The following PCNX4 variants were observed in gnomAD, a reference collection of about 807,000 sequenced individuals.
PCNX4 encodes the protein pecanex 4, also known as pecanex-like protein 4.
In PCNX4, 103 loss-of-function variants were observed where a neutral mutation model predicts 107.2. That is an observed-to-expected ratio of 0.96 (90% CI 0.82 to 1.13). The LOEUF (loss-of-function observed/expected upper bound fraction) is 1.13, where lower values mean the gene tolerates loss of function less well. Among genes scored for constraint, PCNX4 ranks in the 50% most tolerant of loss-of-function variants. The probability of loss-of-function intolerance (pLI) is 0.00; values close to 1 mark genes in which losing one functional copy is unlikely to be tolerated. For missense variants in PCNX4, 1,528 were observed against 1,379.4 expected, an observed-to-expected ratio of 1.11 and a Z score of -1.71; for synonymous variants, 541 against 481.7, an observed-to-expected ratio of 1.12 and a Z score of -1.61.
At chr14:60,102,638 T>G (rs1376251921) in intron 1 of PCNX4, among the ~76,000 whole-genome samples, 1 of 152,168 alleles carries the variant, frequency 6.6e-6, no homozygotes, top group African/African-American at 2.4e-5. Flanking sequence ...CTTAAATTAG[T>G]GTTGTGATGT....
At chr14:60,094,750 G>T (rs973597741) in intron 1 of PCNX4, among the ~76,000 whole-genome samples, 1 of 104,260 alleles carries the variant, frequency 9.6e-6, no homozygotes, top group African/African-American at 3.0e-5. Context: ...ATATACTTGT[G>T]TTGCTGTAGA....
chr14:60,115,233 G>C lies in PCNX4; in HGVS notation c.1129G>C (p.Ala377Pro), dbSNP rs1490122457. 4 of 1,613,098 alleles carry C rather than the reference G, an allele frequency of 2.5e-6. No homozygotes were observed. The highest frequency in any genetic ancestry group is 3.4e-6 in the Non-Finnish European group (4 of 1,179,338). ...AGAAACTAGCTTGCTTCATCACTTT[G>C]CTGGCTTCTCACAGATTTCTAAAAG... ...LLETSLLHHF[A>P]GFSQISKSNS... is the part of the protein sequence containing the mutation. Residue 377 changes from alanine to proline, a missense_variant, in exon 4 of 11, where the codon GCT becomes CCT. By Grantham distance (27) the Ala-to-Pro change is conservative (BLOSUM62 -1). Coordinates refer to ENST00000406854, the MANE Select transcript of PCNX4 (RefSeq NM_001330177.2).
In PCNX4 at chr14:60,141,292, C is replaced by T. The variant is rs1896303291; in HGVS notation, c.*7071C>T. 6.6e-6 allele frequency: 1 copy of T among 152,030 alleles called. No individual in the cohort carries two copies. Among genetic ancestry groups the T allele is most frequent in the African/African-American group, 2.4e-5 (1 of 41,386 alleles). The allele number at this position is 152,030 out of a possible 1,614,324, so 9.4% of individuals were successfully genotyped here. Reference sequence around the variant, plus strand: ...AAAGCAGGCAAAAGAAAGGAAATAACCAAAAGCAGAAATCAATGAAACTGC... The same window carrying T: ...AAAGCAGGCAAAAGAAAGGAAATAATCAAAAGCAGAAATCAATGAAACTGC... On this transcript the variant is annotated 3_prime_UTR_variant, in exon 11 of 11. Transcript: ENST00000406854.
At position 60,147,928 on chromosome 14, in the gene PCNX4, G is replaced by A. The variant is rs1364993188; in HGVS notation, c.*13707G>A. ...AGCTGTCCTCCATATTTAAAACTCA[G>A]GTATACTCTTTGATGAAACTCTACC... is the stretch of plus-strand genomic sequence containing the variant. On this transcript the variant is annotated 3_prime_UTR_variant, in exon 11 of 11. Coordinates refer to ENST00000406854, the MANE Select transcript of PCNX4 (RefSeq NM_001330177.2). 1 of 152,154 alleles carries A rather than the reference G, an allele frequency of 6.6e-6. No individual in the cohort carries two copies. The highest frequency in any genetic ancestry group is 2.4e-5 in the African/African-American group (1 of 41,426). The allele number at this position is 152,154 out of a possible 1,614,324, so 9.4% of individuals were successfully genotyped here. A position where few individuals can be genotyped will look rare whatever the true frequency, so the allele number is the denominator to read the frequency against.
At position 60,118,500 on chromosome 14, in the gene PCNX4, A is replaced by G. The variant is rs781056587; in HGVS notation, c.1750A>G (p.Thr584Ala). 2 of 1,613,656 alleles carry G rather than the reference A, an allele frequency of 1.2e-6. No homozygotes were observed. Among genetic ancestry groups the G allele is most frequent in the Non-Finnish European group, 1.7e-6 (2 of 1,179,806 alleles). Residue 584 changes from threonine (T) to alanine (A), a missense_variant, in exon 7 of 11, where the codon ACA becomes GCA. Transcript: ENST00000406854. ...PFVLVIIVFSTLLSSPLLPLF... is the reference protein window; with the variant it reads ...PFVLVIIVFSALLSSPLLPLF... The stretch of plus-strand genomic sequence containing the variant: ...CGTGTTGGTCATCATAGTTTTTTCT[A>G]CACTACTCTCTTCTCCCTTACTCCC...
At chr14:60,128,580 C>T (rs1330883308) in intron 10 of PCNX4, among the ~76,000 whole-genome samples, 1 of 152,160 alleles carries the variant, frequency 6.6e-6, no homozygotes, top group Non-Finnish European at 1.5e-5. Flanking sequence ...ACCCACCTTA[C>T]AAGAAATACT....
rs1162690557 is a variant in PCNX4 at position 60,121,314 on chromosome 14, A to G, written c.2046+15A>G. On this transcript the variant is annotated intron_variant, in intron 8 of 10. Coordinates refer to ENST00000406854, the MANE Select transcript of PCNX4 (RefSeq NM_001330177.2). ...TTAACATTAAGGTCAGTGTGCATAT[A>G]AAACATCTGTAGTATTTTTATAGTT... is the stretch of plus-strand genomic sequence containing the variant. The G allele has an allele frequency of 6.2e-7, 1 of 1,603,238 alleles. No homozygotes were observed. Among genetic ancestry groups the G allele is most frequent in the East Asian group, 2.2e-5 (1 of 44,676 alleles).
intron 1 of PCNX4, among the ~76,000 whole-genome samples, chr14:60,095,943 A>T (rs1566928302): frequency 6.6e-6 from 1 of 152,216 alleles, no homozygotes; most frequent in South Asian, 2.1e-4. Context: ...AATTAGAGCA[A>T]TTCTCTAGGG....
chr14:60,114,614 T>G lies in PCNX4; in HGVS notation c.690-86T>G. The G allele has an allele frequency of 2.6e-6, 3 of 1,153,722 alleles. 1 individual carries two copies. The highest frequency in any genetic ancestry group is 3.7e-6 in the Non-Finnish European group (3 of 821,068). The allele number at this position is 1,153,722 out of a possible 1,614,324, so 71.5% of individuals were successfully genotyped here. A position where few individuals can be genotyped will look rare whatever the true frequency, so the allele number is the denominator to read the frequency against. On this transcript the variant is annotated intron_variant, in intron 2 of 10. Transcript: ENST00000406854. ...TGGTTTTTTTTTGGAAGGGAGTGTG[T>G]TGTTATTCTGTGTTGCTTTGCTTTT...
In PCNX4 at chr14:60,146,712, T is replaced by G. The variant is rs567172814; in HGVS notation, c.*12491T>G. On this transcript the variant is annotated 3_prime_UTR_variant, in exon 11 of 11. Transcript: ENST00000406854. This position sits in a 1 kb window ranked among gnomAD's most constrained non-coding sequence, Gnocchi z 4.9. ...GTGTATATATATATATGGAATATTA[T>G]TCCACAATGGAATATTTTTCAGCCA... 1 of 152,174 alleles carries G rather than the reference T, an allele frequency of 6.6e-6. No individual in the cohort carries two copies. Among genetic ancestry groups the G allele is most frequent in the Admixed American group, 6.5e-5 (1 of 15,270 alleles). The allele number at this position is 152,174 out of a possible 1,614,324, so 9.4% of individuals were successfully genotyped here.
intron 1 of PCNX4, among the ~76,000 whole-genome samples, chr14:60,095,068 G>A (rs1453709483): frequency 6.6e-6 from 1 of 152,132 alleles, no homozygotes; most frequent in Non-Finnish European, 1.5e-5. Flanking sequence ...CATTTTAGGA[G>A]ATTTATTTGC....
rs780834392 is a variant in PCNX4, at chr14:60,118,544, G to C, written c.1794G>C (p.Val598=). ...SPLLPLFTLP[V]FLVGFPRPIQ... The stretch of plus-strand genomic sequence containing the variant: ...TACTCCCTCTTTTCACCCTTCCTGT[G>C]TTCTTGGTGGGGTTTCCCCGACCTA... The change falls in exon 7 of 11, where the codon GTG becomes GTC. Residue 598 remains valine (V), a synonymous_variant. Transcript: ENST00000406854. 281 of 1,613,642 alleles carry C rather than the reference G, an allele frequency of 1.7e-4. 1 individual carries two copies. The highest frequency in any genetic ancestry group is 3.6e-5 in the Non-Finnish European group (43 of 1,179,844).
chr14:60,121,805 G>T (rs910678466), intron 8 of PCNX4, among the ~76,000 whole-genome samples: 1 of 152,064 alleles, frequency 6.6e-6, no homozygotes, highest in African/African-American at 2.4e-5. Context: ...GCCTGCTCTT[G>T]TCAAGGTCTC....
chr14:60,118,456 A>T lies in PCNX4; in HGVS notation c.1706A>T (p.Asn569Ile). The T allele has an allele frequency of 6.2e-7, 1 of 1,613,694 alleles. No homozygotes were observed. Among genetic ancestry groups the T allele is most frequent in the Non-Finnish European group, 8.5e-7 (1 of 1,179,802 alleles). ...ACAACTGCCACTTTATGTATACTCA[A>T]CATTGTCTTTTCTCCATTCGTGTTG... ...RKTTATLCILNIVFSPFVLVI... is the reference protein window; with the variant it reads ...RKTTATLCILIIVFSPFVLVI... Residue 569 changes from asparagine (N) to isoleucine (I), a missense_variant, in exon 7 of 11, where the codon AAC becomes ATC. Coordinates refer to ENST00000406854, the MANE Select transcript of PCNX4 (RefSeq NM_001330177.2).
rs1218997043 is a variant in PCNX4 at position 60,120,337 on chromosome 14, G to GCA, written c.1943-859_1943-858insCA. Among the ~76,000 whole-genome samples the GCA allele has an allele frequency of 4.6e-5, 7 of 152,070 alleles. No homozygotes were observed. In the East Asian group the frequency reaches 1.3e-3, roughly 29 times the overall value. ...TGGTCATGCAGGCGCTGTCTGCCTA[G>GCA]GACATACCAATACTCCAGAATCCCA... is the stretch of plus-strand genomic sequence containing the variant. On this transcript the variant is annotated intron_variant, in intron 7 of 10. Transcript: ENST00000406854.
chr14:60,107,809 C>A lies in PCNX4; in HGVS notation c.171C>A (p.Val57=). The change falls in exon 2 of 11, where the codon GTC becomes GTA. Residue 57 remains valine (V), a synonymous_variant. Coordinates refer to ENST00000406854, the MANE Select transcript of PCNX4 (RefSeq NM_001330177.2). ...TAATGCCATGGGTTTGGGGTGGAGT[C>A]GGAACACTTTTATACCAGTTAGGCA... The part of the protein sequence containing the change: ...LFLMPWVWGG[V]GTLLYQLGIL... 1.2e-6 allele frequency: 2 copies of A among 1,612,704 alleles called. No homozygotes were observed. The highest frequency in any genetic ancestry group is 8.5e-7 in the Non-Finnish European group (1 of 1,179,826).
chr14:60,094,515 TATC>T (rs1895381615), intron 1 of PCNX4, among the ~76,000 whole-genome samples: 1 of 152,198 alleles, frequency 6.6e-6, no homozygotes, highest in South Asian at 2.1e-4. Flanking sequence ...AGAACATCCT[TATC>T]ATACCCTGCT....
In PCNX4 at chr14:60,133,923, G is replaced by A. The variant is rs1471666687; in HGVS notation, c.3268-47G>A. 10 of 1,530,292 alleles carry A rather than the reference G, an allele frequency of 6.5e-6. No individual in the cohort carries two copies. The Middle Eastern group carries it at 5.1e-4, about 78-fold the overall frequency. 94.8% of individuals were successfully genotyped at this position (1,530,292 alleles called of 1,614,324 possible). On this transcript the variant is annotated intron_variant, in intron 10 of 10. Coordinates refer to ENST00000406854, the MANE Select transcript of PCNX4 (RefSeq NM_001330177.2). ...ATGAATAAAATATAAAGACCTAAAT[G>A]GAATCTCTTTTCTTTTTCTCCTCCT...
chr14:60,128,782 A>G (rs1896101519), intron 10 of PCNX4, among the ~76,000 whole-genome samples: 1 of 152,264 alleles, frequency 6.6e-6, no homozygotes, highest in African/African-American at 2.4e-5. Context: ...TATAACATAT[A>G]GGAATGTAAT....
Sources: allele counts gnomAD v4.1 joint callset (sites outside exome capture counted in the v4.1 genomes callset), GRCh38; gene constraint gnomAD v4.1.1; non-coding constraint Gnocchi (gnomAD v3.1); transcripts MANE v1.5; gene names NCBI Gene and HGNC (gene_info 2026-07-23, HGNC 2026-07-21).